The following AFG2A variants were observed in gnomAD, a reference collection of about 807,000 sequenced individuals.
AFG2A encodes the protein AAA ATPase AFG2A.
At chr4:123,111,617 G>A in the AFG2A span, among the ~76,000 whole-genome samples, 1 of 152,050 alleles carries the variant, frequency 6.6e-6, no homozygotes, top group Non-Finnish European at 1.5e-5. Context: ...AATATAGATA[G>A]CCAGGAAAGA....
At chr4:122,942,287 A>G in the AFG2A span, among the ~76,000 whole-genome samples, 51 of 148,028 alleles carry the variant, frequency 3.4e-4, no homozygotes, top group African/African-American at 1.3e-3. Context: ...TTGGTAAGCT[A>G]TTGATTATTG....
the AFG2A span, among the ~76,000 whole-genome samples, chr4:123,183,721 T>G: frequency 6.6e-6 from 1 of 152,338 alleles, no homozygotes; most frequent in African/African-American, 2.4e-5. Context: ...TTATGTTGGC[T>G]GCTTGATTTA....
the AFG2A span, among the ~76,000 whole-genome samples, chr4:123,119,941 C>T: frequency 6.6e-6 from 1 of 152,074 alleles, no homozygotes; most frequent in Non-Finnish European, 1.5e-5. Context: ...GGGGTAATAC[C>T]ATAAACTTAT....
the AFG2A span, among the ~76,000 whole-genome samples, chr4:123,224,124 T>G: frequency 9.2e-5 from 14 of 152,186 alleles, no homozygotes; most frequent in African/African-American, 3.4e-4. Flanking sequence ...CCAATTTCAT[T>G]GTTTTGTTTT....
the AFG2A span, among the ~76,000 whole-genome samples, chr4:123,289,922 T>C: frequency 6.6e-6 from 1 of 152,144 alleles, no homozygotes; most frequent in Non-Finnish European, 1.5e-5. Context: ...TAGGTAAACA[T>C]ATGCCATGGT....
At chr4:123,089,840 G>A in the AFG2A span, among the ~76,000 whole-genome samples, 12 of 151,976 alleles carry the variant, frequency 7.9e-5, no homozygotes, top group Admixed American at 5.2e-4. Context: ...CACCTGCCTC[G>A]GCCTCCCAAA....
the AFG2A span, among the ~76,000 whole-genome samples, chr4:123,004,653 A>G: frequency 6.6e-6 from 1 of 152,218 alleles, no homozygotes; most frequent in Non-Finnish European, 1.5e-5. Flanking sequence ...GGATTTTTGC[A>G]TATATGTTCA....
At chr4:122,946,481 C>T in the AFG2A span, among the ~76,000 whole-genome samples, 11 of 152,190 alleles carry the variant, frequency 7.2e-5, no homozygotes, top group African/African-American at 2.6e-4. Context: ...TGTCTGTTGG[C>T]ACATTCAGTA....
chr4:123,140,885 T>C, the AFG2A span, among the ~76,000 whole-genome samples: 2 of 152,152 alleles, frequency 1.3e-5, no homozygotes, highest in African/African-American at 4.8e-5. Context: ...AAGTTAACAT[T>C]GTCATGAAAC....
the AFG2A span, among the ~76,000 whole-genome samples, chr4:122,961,496 C>T: frequency 1.3e-5 from 2 of 152,062 alleles, no homozygotes; most frequent in African/African-American, 4.8e-5. Flanking sequence ...TTTGGGTAGC[C>T]TCCTTGACAG....
At chr4:123,020,190 A>AACAC in the AFG2A span, among the ~76,000 whole-genome samples, 6 of 151,368 alleles carry the variant, frequency 4.0e-5, no homozygotes, top group African/African-American at 7.3e-5. Context: ...TACAAACACA[A>AACAC]ACACACACAC....
chr4:123,311,027 A>G, the AFG2A span, among the ~76,000 whole-genome samples: 1 of 151,960 alleles, frequency 6.6e-6, no homozygotes, highest in African/African-American at 2.4e-5. Context: ...TTTCATTAAC[A>G]CTCAGAAGTT....
At chr4:123,001,281 G>C in the AFG2A span, among the ~76,000 whole-genome samples, 64 of 152,184 alleles carry the variant, frequency 4.2e-4, no homozygotes, top group African/African-American at 1.5e-3. Context: ...TGTTTTGAAG[G>C]GTTTTTTGTG....
At chr4:122,952,213 C>T in the AFG2A span, among the ~76,000 whole-genome samples, 2 of 152,150 alleles carry the variant, frequency 1.3e-5, no homozygotes, top group Admixed American at 6.5e-5. Flanking sequence ...GACCAGAATC[C>T]TAAAGGCGCA....
At chr4:123,141,701 A>T in the AFG2A span, among the ~76,000 whole-genome samples, 1 of 152,172 alleles carries the variant, frequency 6.6e-6, no homozygotes, top group Non-Finnish European at 1.5e-5. Flanking sequence ...CTCGATCTGC[A>T]TCTTTGGAGA....
the AFG2A span, among the ~76,000 whole-genome samples, chr4:123,311,337 A>G: frequency 1.3e-5 from 2 of 152,154 alleles, no homozygotes; most frequent in Admixed American, 6.5e-5. Context: ...AGAAAAATCT[A>G]TAGCAGCAGG....
the AFG2A span, among the ~76,000 whole-genome samples, chr4:123,016,474 A>G: frequency 7.1e-6 from 1 of 140,138 alleles, no homozygotes; most frequent in Admixed American, 7.1e-5. Flanking sequence ...TGCTCCTCAC[A>G]TCCCAGACGG....
At chr4:123,255,705 T>C in the AFG2A span, among the ~76,000 whole-genome samples, 1 of 142,544 alleles carries the variant, frequency 7.0e-6, no homozygotes, top group African/African-American at 2.5e-5. Flanking sequence ...CTCCCATAAG[T>C]ACTGCTTTTC....
chr4:123,052,063 C>T, the AFG2A span, among the ~76,000 whole-genome samples: 2 of 152,002 alleles, frequency 1.3e-5, no homozygotes, highest in African/African-American at 4.8e-5. Context: ...TTTTTTCTTT[C>T]ATTTCAGTAA....
Sources: allele counts gnomAD v4.1 joint callset (sites outside exome capture counted in the v4.1 genomes callset), GRCh38; gene constraint gnomAD v4.1.1; transcripts MANE v1.5; gene names NCBI Gene and HGNC (gene_info 2026-07-23, HGNC 2026-07-21).